Variants in MAFK observed in about 807,000 individuals in gnomAD.
MAFK encodes MAF bZIP transcription factor K, also known as transcription factor MafK.
MAFK carries 1 observed loss-of-function variant against 9.2 expected under a neutral mutation model. The observed-to-expected ratio is 0.11, with a 90% CI of 0.04 to 0.52. The LOEUF (loss-of-function observed/expected upper bound fraction) is 0.52, where lower values mean the gene tolerates loss of function less well. MAFK is among the 20% of genes least tolerant of loss of function. The pLI, the probability that MAFK is intolerant of heterozygous loss-of-function variation, is 0.94. For missense variants in MAFK, 207 were observed against 236.0 expected (o/e 0.88, Z 0.81); for synonymous variants, 110 against 107.4 (o/e 1.02, Z -0.15).
chr7:1,540,357 C>G lies in MAFK; in HGVS notation c.453C>G (p.Pro151=), dbSNP rs773177913. The G allele has an allele frequency of 7.0e-7, 1 of 1,432,702 alleles. No individual in the cohort carries two copies. Among genetic ancestry groups the G allele is most frequent in the Admixed American group, 1.9e-5 (1 of 53,908 alleles). The allele number at this position is 1,432,702 out of a possible 1,614,324, so 88.7% of individuals were successfully genotyped here. A position where few individuals can be genotyped will look rare whatever the true frequency, so the allele number is the denominator to read the frequency against. Residue 151 remains proline, a synonymous_variant, in exon 3 of 3, where the codon CCC becomes CCG. Transcript: ENST00000343242. The part of the protein sequence containing the change: ...KSTELSSTSV[P]FSAAS ...CCGAGCTCTCCTCCACCTCCGTGCC[C>G]TTCTCGGCTGCATCCTAGTGCCGGC... is the stretch of plus-strand genomic sequence containing the variant.
chr7:1,538,038 A>G (rs1050245990), intron 1 of MAFK: 1 of 161,928 alleles, frequency 6.2e-6, no homozygotes, highest in Non-Finnish European at 1.3e-5. Context: ...CGCCGGGTGC[A>G]AATGGGTTTG....
At position 1,540,932 on chromosome 7, in the gene MAFK, C is replaced by G. The variant is rs544356830; in HGVS notation, c.*557C>G. The G allele has an allele frequency of 5.9e-4, 92 of 156,274 alleles. No individual in the cohort carries two copies. Among genetic ancestry groups the G allele is most frequent in the East Asian group, 9.6e-4 (5 of 5,206 alleles). The allele number at this position is 156,274 out of a possible 1,614,324, so 9.7% of individuals were successfully genotyped here. A position where few individuals can be genotyped will look rare whatever the true frequency, so the allele number is the denominator to read the frequency against. On this transcript the variant is annotated 3_prime_UTR_variant, in exon 3 of 3. Transcript: ENST00000343242. The stretch of plus-strand genomic sequence containing the variant: ...CTTCCAGCTGTCCCGTTGCAGTGCC[C>G]GTGATCCGCGTCTGCCTTAGCAGGG...
At chr7:1,539,444 C>T (rs1360394868) in intron 2 of MAFK, among the ~76,000 whole-genome samples, 3 of 152,178 alleles carry the variant, frequency 2.0e-5, no homozygotes, top group South Asian at 2.1e-4. Flanking sequence ...AGGCTGAGGG[C>T]GTGGCAGGGT....
At position 1,540,020 on chromosome 7, in the gene MAFK, A is replaced by T; in HGVS notation, c.116A>T (p.Gln39Leu). ...LVSMSVRELN[Q>L]HLRGLTKEEV... ...TCCATGTCGGTGCGGGAGCTGAACC[A>T]GCACCTGCGGGGTCTCACCAAGGAG... The change falls in exon 3 of 3, where the codon CAG becomes CTG. Residue 39 changes from glutamine (Q) to leucine (L), a missense_variant. Coordinates refer to ENST00000343242, the MANE Select transcript of MAFK (RefSeq NM_002360.4). The T allele has an allele frequency of 6.4e-7, 1 of 1,559,004 alleles. No homozygotes were observed. Among genetic ancestry groups the T allele is most frequent in the Non-Finnish European group, 8.7e-7 (1 of 1,151,498 alleles).
chr7:1,531,363 G>T (rs1012340008), intron 1 of MAFK, among the ~76,000 whole-genome samples: 4 of 152,026 alleles, frequency 2.6e-5, no homozygotes, highest in Admixed American at 2.0e-4. Context: ...GTGCGGCCCC[G>T]GACTGCCCCC....
At chr7:1,531,386 C>T (rs1016251103) in intron 1 of MAFK, among the ~76,000 whole-genome samples, 14 of 152,234 alleles carry the variant, frequency 9.2e-5, no homozygotes, top group Admixed American at 8.5e-4. Flanking sequence ...CGCTTCCTCC[C>T]GGTGACGGGC....
intron 1 of MAFK, among the ~76,000 whole-genome samples, chr7:1,531,888 C>T (rs967064003): frequency 2.2e-4 from 34 of 152,360 alleles, no homozygotes; most frequent in African/African-American, 7.5e-4. Context: ...CTCCTGGTGT[C>T]CTGCGTCCCT....
At position 1,540,433 on chromosome 7, in the gene MAFK, C is replaced by T; in HGVS notation, c.*58C>T. 2 of 1,281,530 alleles carry T rather than the reference C, an allele frequency of 1.6e-6. No individual in the cohort carries two copies. Among genetic ancestry groups the T allele is most frequent in the Non-Finnish European group, 2.1e-6 (2 of 943,036 alleles). 79.4% of individuals were successfully genotyped at this position (1,281,530 alleles called of 1,614,324 possible). A position where few individuals can be genotyped will look rare whatever the true frequency, so the allele number is the denominator to read the frequency against. On this transcript the variant is annotated 3_prime_UTR_variant, in exon 3 of 3. Coordinates refer to ENST00000343242, the MANE Select transcript of MAFK (RefSeq NM_002360.4). Reference sequence around the variant, plus strand: ...GGCGGCGGGCAGGCGGGTGGGGGCACACCCCTCGTACCTGTCACTGGGATG... The same window carrying T: ...GGCGGCGGGCAGGCGGGTGGGGGCATACCCCTCGTACCTGTCACTGGGATG...
rs888067818 is a variant in MAFK at position 1,541,474 on chromosome 7, G to A, written c.*1099G>A. On this transcript the variant is annotated 3_prime_UTR_variant, in exon 3 of 3. Coordinates refer to ENST00000343242, the MANE Select transcript of MAFK (RefSeq NM_002360.4). ...AGGACGTTGCGTGGAGTGGTGGGAG[G>A]AGGCGGGAGCCGTGTGCGAGAGCAG... 6.5e-6 allele frequency: 1 copy of A among 153,444 alleles called. No homozygotes were observed. Among genetic ancestry groups the A allele is most frequent in the Non-Finnish European group, 1.5e-5 (1 of 68,642 alleles). The allele number at this position is 153,444 out of a possible 1,614,324, so 9.5% of individuals were successfully genotyped here. A position where few individuals can be genotyped will look rare whatever the true frequency, so the allele number is the denominator to read the frequency against.
chr7:1,533,311 C>G (rs142931231), intron 1 of MAFK, among the ~76,000 whole-genome samples: 2 of 152,294 alleles, frequency 1.3e-5, no homozygotes, highest in African/African-American at 4.8e-5. Context: ...TCTCGTACAG[C>G]GGGGGCTAGT....
intron 1 of MAFK, among the ~76,000 whole-genome samples, chr7:1,531,703 A>G (rs1783910154): frequency 6.6e-6 from 1 of 151,672 alleles, no homozygotes; most frequent in African/African-American, 2.4e-5. Flanking sequence ...CTGCGTCTGC[A>G]CAGCCTCTAG....
chr7:1,539,298 T>C, intron 2 of MAFK, 70 bp downstream of exon 2: 1 of 1,352,700 alleles, frequency 7.4e-7, no homozygotes, highest in Non-Finnish European at 1.0e-6. Flanking sequence ...CGACAGCCCC[T>C]GCTATCCCAG....
In MAFK at chr7:1,540,397, G is replaced by A; in HGVS notation, c.*22G>A. 3 of 1,264,098 alleles carry A rather than the reference G, an allele frequency of 2.4e-6. No individual in the cohort carries two copies. Among genetic ancestry groups the A allele is most frequent in the Non-Finnish European group, 3.2e-6 (3 of 933,890 alleles). 78.3% of individuals were successfully genotyped at this position (1,264,098 alleles called of 1,614,324 possible). On this transcript the variant is annotated 3_prime_UTR_variant, in exon 3 of 3. Transcript: ENST00000343242. ...CTAGTGCCGGCCGGGGGCGGGGGGT[G>A]GCGGGCGGCGGGCGGCGGGCAGGCG... is the stretch of plus-strand genomic sequence containing the variant.
chr7:1,540,645 T>G lies in MAFK; in HGVS notation c.*270T>G, dbSNP rs903891250. On this transcript the variant is annotated 3_prime_UTR_variant, in exon 3 of 3. Coordinates refer to ENST00000343242, the MANE Select transcript of MAFK (RefSeq NM_002360.4). ...TGTCTGTGTGTGGGAATTGGTATCT[T>G]GCACCCGTGGGAGTCGGGACATATA... 4.2e-6 allele frequency: 2 copies of G among 472,542 alleles called. No individual in the cohort carries two copies. The highest frequency in any genetic ancestry group is 7.5e-6 in the Non-Finnish European group (2 of 266,712). The allele number at this position is 472,542 out of a possible 1,614,324, so 29.3% of individuals were successfully genotyped here.
chr7:1,533,696 C>T (rs917227936), intron 1 of MAFK, among the ~76,000 whole-genome samples: 1 of 149,680 alleles, frequency 6.7e-6, no homozygotes, highest in Non-Finnish European at 1.5e-5. Context: ...TGGGTTCAGG[C>T]GGGTGATGCT....
Position 1,539,218 on chromosome 7 carries a change from A to C in MAFK, c.26A>C (p.Lys9Thr). The C allele has an allele frequency of 6.2e-7, 1 of 1,611,522 alleles. No individual in the cohort carries two copies. Among genetic ancestry groups the C allele is most frequent in the Non-Finnish European group, 8.5e-7 (1 of 1,178,952 alleles). MTTNPKPN[K>T]ALKVKKEAGE... Reference sequence around the variant, plus strand: ...ATGACGACTAATCCCAAACCGAATAAGGCATTAAAGGTAAGGCTGGTTCCA... The same window carrying C: ...ATGACGACTAATCCCAAACCGAATACGGCATTAAAGGTAAGGCTGGTTCCA... The change falls in exon 2 of 3, where the codon AAG (lysine) becomes ACG (threonine). Residue 9 changes from lysine (K) to threonine (T), a missense_variant. Physicochemically the swap from Lys to Thr is moderately conservative, Grantham distance 78. Transcript: ENST00000343242.
chr7:1,539,912 G>A lies in MAFK; in HGVS notation c.37-29G>A, dbSNP rs374937222. On this transcript the variant is annotated intron_variant, in intron 2 of 2. Coordinates refer to ENST00000343242, the MANE Select transcript of MAFK (RefSeq NM_002360.4). The stretch of plus-strand genomic sequence containing the variant: ...CCAGGCAGACACCCCACGTTCTCCC[G>A]CCGCTGACCCCGCACTGTGGCCCCC... 75 of 1,482,110 alleles carry A rather than the reference G, an allele frequency of 5.1e-5. No individual in the cohort carries two copies. The African/African-American group carries it at 6.9e-4, about 14-fold the overall frequency. 91.8% of individuals were successfully genotyped at this position (1,482,110 alleles called of 1,614,324 possible).
chr7:1,535,460 G>A (rs1321080948), intron 1 of MAFK, among the ~76,000 whole-genome samples: 1 of 152,198 alleles, frequency 6.6e-6, no homozygotes, highest in Non-Finnish European at 1.5e-5. Flanking sequence ...CTCGAGACCA[G>A]CCTAGGCAAC....
In MAFK at chr7:1,533,311, C is replaced by T. The variant is rs142931231; in HGVS notation, c.-45+2413C>T. On this transcript the variant is annotated intron_variant, in intron 1 of 2. Transcript: ENST00000343242. ...TGCGGGGCCGGCTCATCTCGTACAG[C>T]GGGGGCTAGTGTGGGGTGTAGGGAA... 3.5e-4 allele frequency among the ~76,000 whole-genome samples: 54 copies of T among 152,292 alleles called. No homozygotes were observed. The East Asian group carries it at 7.5e-3, about 21-fold the overall frequency.
Sources: gnomAD v4.1 joint callset for allele counts (sites outside exome capture counted in the v4.1 genomes callset) on GRCh38, gnomAD v4.1.1 for gene constraint, MANE v1.5 for transcripts, NCBI Gene and HGNC (gene_info 2026-07-23, HGNC 2026-07-21) for gene names.